The following CAMKMT variants were observed in gnomAD, a reference collection of about 807,000 sequenced individuals.
CAMKMT encodes calmodulin-lysine N-methyltransferase.
CAMKMT carries 53 observed loss-of-function variants against 48.0 expected under a neutral mutation model. The ratio of observed to expected loss-of-function variants is 1.10; its 90% CI spans 0.89 to 1.39. The LOEUF is 1.39. Among genes scored for constraint, CAMKMT ranks in the 40% most tolerant of loss-of-function variants. The pLI is 0.00. For missense variants in CAMKMT, 428 were observed against 402.7 expected (o/e 1.06, Z -0.54); for synonymous variants, 165 against 152.3 (o/e 1.08, Z -0.61).
chr2:44,655,144 T>A (rs1674305408), intron 3 of CAMKMT, among the ~76,000 whole-genome samples: 1 of 152,216 alleles, frequency 6.6e-6, no homozygotes, highest in Non-Finnish European at 1.5e-5. Flanking sequence ...GTGTCAGAGA[T>A]CACTTTCATG....
chr2:44,557,575 C>T (rs748878845), intron 3 of CAMKMT, among the ~76,000 whole-genome samples: 5 of 152,132 alleles, frequency 3.3e-5, no homozygotes, highest in Admixed American at 6.5e-5. Flanking sequence ...TTCCTCCCTC[C>T]TTCCCTTCTT....
chr2:44,532,025 T>A (rs1392372489), intron 3 of CAMKMT, among the ~76,000 whole-genome samples: 3 of 152,314 alleles, frequency 2.0e-5, no homozygotes, highest in African/African-American at 7.2e-5. Context: ...CTTGATTCCA[T>A]TCCTTGTAGT....
At chr2:44,706,751 T>C (rs1253392403) in intron 5 of CAMKMT, among the ~76,000 whole-genome samples, 1 of 151,970 alleles carries the variant, frequency 6.6e-6, no homozygotes, top group Non-Finnish European at 1.5e-5. Context: ...TCCAGAGCGC[T>C]CAGTAATTAG....
At chr2:44,470,713 C>T (rs755874559) in intron 3 of CAMKMT, among the ~76,000 whole-genome samples, 9 of 152,120 alleles carry the variant, frequency 5.9e-5, no homozygotes, top group South Asian at 2.1e-4. Flanking sequence ...TTTTTTCCTT[C>T]TCCAACAACC....
chr2:44,703,097 C>CT (rs1479811414), intron 3 of CAMKMT, among the ~76,000 whole-genome samples: 1 of 151,954 alleles, frequency 6.6e-6, no homozygotes, highest in African/African-American at 2.4e-5. Flanking sequence ...TCTGACTGAT[C>CT]TTTGAGTTTG....
At chr2:44,604,603 G>A (rs1385774436) in intron 3 of CAMKMT, among the ~76,000 whole-genome samples, 5 of 148,994 alleles carry the variant, frequency 3.4e-5, no homozygotes, top group Non-Finnish European at 7.4e-5. Flanking sequence ...TATCAATTTG[G>A]GCACCCTAAA....
At chr2:44,440,645 G>T (rs1666595452) in intron 3 of CAMKMT, among the ~76,000 whole-genome samples, 1 of 151,900 alleles carries the variant, frequency 6.6e-6, no homozygotes, top group African/African-American at 2.4e-5. Flanking sequence ...CATTTCAAGG[G>T]CTCAGTAGCC....
At chr2:44,635,475 G>A (rs997103111) in intron 3 of CAMKMT, among the ~76,000 whole-genome samples, 7 of 152,050 alleles carry the variant, frequency 4.6e-5, no homozygotes. Flanking sequence ...ATATAAATGA[G>A]ATAATTTAAA....
intron 3 of CAMKMT, among the ~76,000 whole-genome samples, chr2:44,547,347 A>G (rs1451672880): frequency 1.3e-5 from 2 of 152,136 alleles, no homozygotes; most frequent in Non-Finnish European, 2.9e-5. Flanking sequence ...GGGTTCAAGT[A>G]AGAAGAGTGG....
At chr2:44,463,438 G>A (rs953549766) in intron 3 of CAMKMT, among the ~76,000 whole-genome samples, 1 of 152,182 alleles carries the variant, frequency 6.6e-6, no homozygotes, top group African/African-American at 2.4e-5. Flanking sequence ...TCATAATAGG[G>A]AGGAAAAGCC....
chr2:44,374,751 A>G (rs374443220), intron 2 of CAMKMT, among the ~76,000 whole-genome samples: 1 of 152,236 alleles, frequency 6.6e-6, no homozygotes, highest in Non-Finnish European at 1.5e-5. Context: ...GAATAAATGT[A>G]TATCTATACA....
chr2:44,383,322 AC>A (rs1330693511), intron 2 of CAMKMT, among the ~76,000 whole-genome samples: 1 of 150,990 alleles, frequency 6.6e-6, no homozygotes, highest in Non-Finnish European at 1.5e-5. Context: ...ATGCCACCAC[AC>A]CCGGCTAATT....
intron 3 of CAMKMT, among the ~76,000 whole-genome samples, chr2:44,573,738 G>C (rs532226175): frequency 6.6e-6 from 1 of 152,068 alleles, no homozygotes; most frequent in South Asian, 2.1e-4. Context: ...ATTTAGTTTT[G>C]TGTATGATGT....
At chr2:44,411,680 G>A (rs549256835) in intron 3 of CAMKMT, among the ~76,000 whole-genome samples, 1 of 151,966 alleles carries the variant, frequency 6.6e-6, no homozygotes, top group Non-Finnish European at 1.5e-5. Flanking sequence ...TAACATTATT[G>A]TCTTTCTCTT....
intron 3 of CAMKMT, among the ~76,000 whole-genome samples, chr2:44,583,049 T>A (rs981298993): frequency 2.0e-5 from 3 of 152,192 alleles, no homozygotes; most frequent in Admixed American, 2.0e-4. Flanking sequence ...AAAATACATA[T>A]AATACATAAT....
chr2:44,625,923 C>T (rs1456115243), intron 3 of CAMKMT, among the ~76,000 whole-genome samples: 5 of 152,052 alleles, frequency 3.3e-5, no homozygotes, highest in African/African-American at 1.2e-4. Context: ...ATTTACAAGT[C>T]CTTAAATCAG....
chr2:44,523,426 G>A (rs905655759), intron 3 of CAMKMT, among the ~76,000 whole-genome samples: 2 of 151,718 alleles, frequency 1.3e-5, no homozygotes, highest in South Asian at 2.1e-4. Context: ...CTGAGTAGCT[G>A]GGATTACAGG....
At chr2:44,655,430 G>C (rs1235218861) in intron 3 of CAMKMT, among the ~76,000 whole-genome samples, 1 of 152,122 alleles carries the variant, frequency 6.6e-6, no homozygotes, top group African/African-American at 2.4e-5. Flanking sequence ...TTTCTTGCTG[G>C]AGGCAAAATG....
At chr2:44,723,398 G>A (rs770608032) in intron 7 of CAMKMT, among the ~76,000 whole-genome samples, 1 of 151,880 alleles carries the variant, frequency 6.6e-6, no homozygotes, top group African/African-American at 2.4e-5. Context: ...CAAGACCTGC[G>A]TGGCCAACAT....
Sources: gnomAD v4.1 joint callset for allele counts (sites outside exome capture counted in the v4.1 genomes callset) on GRCh38, gnomAD v4.1.1 for gene constraint, MANE v1.5 for transcripts, NCBI Gene and HGNC (gene_info 2026-07-23, HGNC 2026-07-21) for gene names.